CEP72: variants seen among roughly 807,000 people sequenced by gnomAD.
CEP72 encodes the protein centrosomal protein 72.
In CEP72, 78 loss-of-function variants were observed where a neutral mutation model predicts 65.7. That is an observed-to-expected ratio of 1.19 (90% confidence interval 0.99 to 1.43). CEP72 has a LOEUF of 1.43. Ranked by LOEUF, CEP72 falls within the 40% of genes most tolerant of loss-of-function variation. The pLI is 0.00. For missense variants in CEP72, 914 were observed against 832.9 expected (o/e 1.10, Z -1.20); for synonymous variants, 358 against 351.7 (o/e 1.02, Z -0.20).
At position 653,013 on chromosome 5, in the gene CEP72, C is replaced by G. The variant is rs761087650; in HGVS notation, c.1804C>G (p.Leu602Val). Residue 602 changes from leucine (L) to valine (V), a missense_variant, in exon 12 of 12, where the codon CTG becomes GTG. Leu to Val is a conservative substitution (Grantham distance 32). Coordinates refer to ENST00000264935, the MANE Select transcript of CEP72 (RefSeq NM_018140.4). ...CTCCCTGGTCAGCACCAATGAACACCTGCTGCAGGAGCTGAGCCAGGTGCG... is the reference window on the plus strand; with the variant it reads ...CTCCCTGGTCAGCACCAATGAACACGTGCTGCAGGAGCTGAGCCAGGTGCG... ...HSSLVSTNEH[L>V]LQELSQVRAQ... is the part of the protein sequence containing the mutation. 7 of 1,612,774 alleles carry G rather than the reference C, an allele frequency of 4.3e-6. No homozygotes were observed. In the Admixed American group the frequency reaches 5.0e-5, roughly 12 times the overall value.
intron 4 of CEP72, 72 bp from the exon 5 acceptor site, chr5:633,697 T>A: frequency 6.9e-7 from 1 of 1,451,990 alleles, no homozygotes; most frequent in South Asian, 1.2e-5. Flanking sequence ...GGAATTTTCC[T>A]TCTCCTGGTC....
At chr5:652,509 A>G (rs745849817) in intron 11 of CEP72, among the ~76,000 whole-genome samples, 101 of 152,212 alleles carry the variant, frequency 6.6e-4, no homozygotes, top group Admixed American at 1.2e-3. Context: ...TTTACTTCTA[A>G]AATAAAAATG....
At chr5:654,231 GTGCTAGCTGTGTGTGCA>G (rs2126836148), downstream of CEP72, among the ~76,000 whole-genome samples, 1 of 150,448 alleles carries the variant, frequency 6.6e-6, no homozygotes, top group South Asian at 2.1e-4. Context: ...TGCTGTGTGT[GTGCTAGCTGTGTGTGCA>G]TGCTTGCTGT....
At chr5:667,881 C>CT (rs1198834428), downstream of CEP72, among the ~76,000 whole-genome samples, 5 of 92,874 alleles carry the variant, frequency 5.4e-5, no homozygotes, top group Admixed American at 9.7e-5. Flanking sequence ...GACAAGCACA[C>CT]AGAGAGGGGG....
chr5:613,133 A>T (rs1388615259), intron 1 of CEP72, among the ~76,000 whole-genome samples: 1 of 152,164 alleles, frequency 6.6e-6, no homozygotes, highest in Non-Finnish European at 1.5e-5. Context: ...GCATTGGCTT[A>T]TTTGAGCTAA....
intron 4 of CEP72, among the ~76,000 whole-genome samples, chr5:628,004 G>A (rs142213744): frequency 3.9e-5 from 6 of 152,316 alleles, no homozygotes; most frequent in Admixed American, 1.3e-4. Context: ...CACTCGGTGC[G>A]TGCAGACATG....
intron 1 of CEP72, among the ~76,000 whole-genome samples, chr5:617,976 A>T (rs574176081): frequency 2.7e-4 from 41 of 152,348 alleles, no homozygotes; most frequent in African/African-American, 8.4e-4. Flanking sequence ...TTCATCTTGT[A>T]ATTAATGTTG....
At chr5:668,253 G>A (rs76951189), downstream of CEP72, among the ~76,000 whole-genome samples, 5 of 49,120 alleles carry the variant, frequency 1.0e-4, no homozygotes, top group African/African-American at 3.3e-4. Flanking sequence ...TCAGGGAAGT[G>A]CGGACAAGCA....
the CEP72 span, among the ~76,000 whole-genome samples, chr5:675,563 G>GA: frequency 1.5e-5 from 2 of 135,720 alleles, no homozygotes; most frequent in African/African-American, 5.3e-5. Flanking sequence ...GGTGCAGTGT[G>GA]GCTGGGGGTG....
At chr5:646,629 G>C (rs772018843) in intron 10 of CEP72, among the ~76,000 whole-genome samples, 8 of 152,174 alleles carry the variant, frequency 5.3e-5, no homozygotes, top group Non-Finnish European at 8.8e-5. Flanking sequence ...TAGAAGACCA[G>C]GCAGGTCAGC....
chr5:615,500 AC>A (rs1735937260), intron 1 of CEP72, among the ~76,000 whole-genome samples: 1 of 152,112 alleles, frequency 6.6e-6, no homozygotes, highest in Non-Finnish European at 1.5e-5. Context: ...TACTGTTGTT[AC>A]GGTAGCTTCT....
chr5:639,340 C>T (rs1709551), intron 8 of CEP72, 116 bp downstream of exon 8: 2 of 1,222,410 alleles, frequency 1.6e-6, no homozygotes, highest in African/African-American at 1.5e-5. Flanking sequence ...ATGTCCCCTC[C>T]CACGAGCGTG....
At chr5:618,689 G>T (rs545079201) in intron 1 of CEP72, among the ~76,000 whole-genome samples, 1 of 152,212 alleles carries the variant, frequency 6.6e-6, no homozygotes, top group East Asian at 1.9e-4. Context: ...AGGGGATTTG[G>T]GCTAAACCAA....
chr5:647,073 G>A (rs1237549919), intron 10 of CEP72, among the ~76,000 whole-genome samples: 1 of 152,222 alleles, frequency 6.6e-6, no homozygotes, highest in Non-Finnish European at 1.5e-5. Flanking sequence ...ACTTCACGCG[G>A]CGTGGCCTTC....
At chr5:654,047 T>C (rs1237190828), downstream of CEP72, among the ~76,000 whole-genome samples, 2 of 146,282 alleles carry the variant, frequency 1.4e-5, no homozygotes, top group African/African-American at 2.5e-5. Context: ...TGTGTGTGTG[T>C]GCTAGCTGTG....
chr5:670,896 C>A (rs1363279366), downstream of CEP72, among the ~76,000 whole-genome samples: 1 of 152,220 alleles, frequency 6.6e-6, no homozygotes, highest in African/African-American at 2.4e-5. Context: ...GATGTCTGGC[C>A]ACCTGAGAGG....
rs767031782 is a variant in CEP72, at chr5:623,287, G to A, written c.404-1184G>A. On this transcript the variant is annotated intron_variant, in intron 3 of 11. Coordinates refer to ENST00000264935, the MANE Select transcript of CEP72 (RefSeq NM_018140.4). The surrounding 1 kb of genome is among the most constrained non-coding windows in gnomAD (Gnocchi z 5.3). ...TGGCGCTGGCAGTCAGAGGCGCTGC[G>A]GGAACCACGGAGGTGCGGGGCCCCG... Among the ~76,000 whole-genome samples, 3 of 152,254 alleles carry A rather than the reference G, an allele frequency of 2.0e-5. No individual in the cohort carries two copies. Among genetic ancestry groups the A allele is most frequent in the Non-Finnish European group, 4.4e-5 (3 of 68,042 alleles).
chr5:619,742 C>T (rs1372411095), intron 2 of CEP72, among the ~76,000 whole-genome samples: 1 of 152,190 alleles, frequency 6.6e-6, no homozygotes, highest in Non-Finnish European at 1.5e-5. Flanking sequence ...GAAGGGGGGG[C>T]TGATGGTTCT....
chr5:669,338 G>GGT (rs1740101986), downstream of CEP72, among the ~76,000 whole-genome samples: 1 of 152,190 alleles, frequency 6.6e-6, no homozygotes, highest in Non-Finnish European at 1.5e-5. Flanking sequence ...CGGTGTTGGG[G>GGT]GTGGATTTAG....
Sources: gnomAD v4.1 joint callset for allele counts (sites outside exome capture counted in the v4.1 genomes callset) on GRCh38, gnomAD v4.1.1 for gene constraint, Gnocchi (gnomAD v3.1) non-coding constraint, MANE v1.5 for transcripts, NCBI Gene and HGNC (gene_info 2026-07-23, HGNC 2026-07-21) for gene names.